MGAT4C: variants seen among roughly 807,000 people sequenced by gnomAD.
MGAT4C encodes the protein alpha-1,3-mannosyl-glycoprotein 4-beta-N-acetylglucosaminyltransferase C.
Under a neutral mutation model 40.1 loss-of-function variants are expected in MGAT4C, and 19 were observed. That is an observed-to-expected ratio of 0.47 (90% CI 0.33 to 0.70). MGAT4C has a LOEUF of 0.70. Ranked by LOEUF, MGAT4C falls within the 30% of genes least tolerant of loss-of-function variation. MGAT4C has a pLI of 0.02. For synonymous variants in MGAT4C, 181 were observed against 187.1 expected (o/e 0.97, Z 0.27); for missense variants, 491 against 563.2 (o/e 0.87, Z 1.30).
intron 1 of MGAT4C, among the ~76,000 whole-genome samples, chr12:86,778,738 C>T (rs911004216): frequency 6.6e-6 from 1 of 152,264 alleles, no homozygotes; most frequent in African/African-American, 2.4e-5. Flanking sequence ...AATTCCCCTG[C>T]ATAGAATGCA....
At chr12:86,438,614 G>A (rs1034977192) in intron 2 of MGAT4C, among the ~76,000 whole-genome samples, 9 of 151,872 alleles carry the variant, frequency 5.9e-5, no homozygotes, top group African/African-American at 2.2e-4. Context: ...GGAACAATAT[G>A]TCACATCTCA....
intron 1 of MGAT4C, among the ~76,000 whole-genome samples, chr12:86,189,862 A>G (rs1474988363): frequency 3.9e-5 from 6 of 152,064 alleles, no homozygotes; most frequent in Non-Finnish European, 8.8e-5. Context: ...TAGAAAATAC[A>G]TTCAGGCAGC....
intron 2 of MGAT4C, among the ~76,000 whole-genome samples, chr12:86,702,163 A>G (rs1375909208): frequency 1.3e-5 from 2 of 151,588 alleles, no homozygotes; most frequent in Non-Finnish European, 2.9e-5. Context: ...TCAAGTAGCT[A>G]GCTGAGTCTT....
At chr12:86,304,358 T>C (rs985878835) in intron 4 of MGAT4C, among the ~76,000 whole-genome samples, 1 of 150,564 alleles carries the variant, frequency 6.6e-6, no homozygotes, top group Admixed American at 6.6e-5. Flanking sequence ...TGAAAGAGCT[T>C]GAAGGAAACA....
chr12:86,709,655 C>A (rs546795180), intron 2 of MGAT4C, among the ~76,000 whole-genome samples: 2 of 152,086 alleles, frequency 1.3e-5, no homozygotes, highest in East Asian at 3.9e-4. Flanking sequence ...CTCAAGTGAT[C>A]CCCCCACCTT....
chr12:86,609,984 CTCAATTACTTAT>C (rs773237818), intron 2 of MGAT4C, among the ~76,000 whole-genome samples: 23 of 152,126 alleles, frequency 1.5e-4, no homozygotes, highest in Non-Finnish European at 2.5e-4. Flanking sequence ...ACTTATTATT[CTCAATTACTTAT>C]TCAAAACCTG....
chr12:86,740,680 C>G (rs1299832266), intron 1 of MGAT4C, among the ~76,000 whole-genome samples: 3 of 151,012 alleles, frequency 2.0e-5, no homozygotes, highest in African/African-American at 7.3e-5. Flanking sequence ...TTCAGAAAAG[C>G]CTCAAAGTCC....
chr12:86,619,806 G>T (rs1962580345), intron 2 of MGAT4C, among the ~76,000 whole-genome samples: 1 of 151,934 alleles, frequency 6.6e-6, no homozygotes, highest in African/African-American at 2.4e-5. Context: ...TGTTTCCCCT[G>T]GCAGGAATAA....
At chr12:86,719,063 T>G (rs1442128946) in intron 2 of MGAT4C, among the ~76,000 whole-genome samples, 4 of 152,286 alleles carry the variant, frequency 2.6e-5, no homozygotes, top group African/African-American at 9.6e-5. Flanking sequence ...TATTCTGTTC[T>G]TCAAGTTAGT....
chr12:86,728,396 A>G (rs1408413385), intron 1 of MGAT4C, among the ~76,000 whole-genome samples: 3 of 152,238 alleles, frequency 2.0e-5, no homozygotes, highest in East Asian at 3.8e-4. Context: ...AAAGATGTAA[A>G]AAATGAATGT....
At chr12:86,358,395 G>A (rs1052023172) in intron 3 of MGAT4C, among the ~76,000 whole-genome samples, 5 of 152,092 alleles carry the variant, frequency 3.3e-5, no homozygotes, top group African/African-American at 4.8e-5. Flanking sequence ...AAAGACCATC[G>A]AGGCTAGGAA....
chr12:86,042,928 G>A (rs1457338714), intron 2 of MGAT4C, among the ~76,000 whole-genome samples: 1 of 151,038 alleles, frequency 6.6e-6, no homozygotes, highest in Non-Finnish European at 1.5e-5. Context: ...CTGGCTTATA[G>A]GGTTTCTGTC....
intron 2 of MGAT4C, among the ~76,000 whole-genome samples, chr12:86,567,833 A>T (rs1323554460): frequency 6.6e-6 from 1 of 152,216 alleles, no homozygotes; most frequent in Non-Finnish European, 1.5e-5. Flanking sequence ...ACACTTGTAC[A>T]AGGAAAATGT....
At chr12:86,206,063 A>G (rs542237258) in intron 1 of MGAT4C, among the ~76,000 whole-genome samples, 1 of 152,234 alleles carries the variant, frequency 6.6e-6, no homozygotes, top group South Asian at 2.1e-4. Context: ...CAGGAAGCCA[A>G]TGTGCTATGG....
At chr12:86,673,077 G>T (rs143489582) in intron 2 of MGAT4C, among the ~76,000 whole-genome samples, 2,902 of 152,060 alleles carry the variant, frequency 0.019, 42 homozygotes, top group Middle Eastern at 0.041. Flanking sequence ...TGAATTTCAG[G>T]ATTCAGTGCC....
rs552221814 is a variant in MGAT4C at position 86,770,689 on chromosome 12, AT to A, written c.-261-43449del. Among the ~76,000 whole-genome samples, 430 of 152,230 alleles carry A rather than the reference AT, an allele frequency of 2.8e-3. 3 individuals carry two copies. Among genetic ancestry groups the A allele is most frequent in the African/African-American group, 1.0e-2 (415 of 41,562 alleles). ...ACCATAAGCATCAACTTATGTATGA[AT>A]TCTTTCAATATGAGGACCAAAGTTT... On this transcript the variant is annotated intron_variant, in intron 1 of 7. Transcript: ENST00000548651.
chr12:86,789,479 C>G (rs1020092893), intron 1 of MGAT4C, among the ~76,000 whole-genome samples: 1 of 152,070 alleles, frequency 6.6e-6, no homozygotes, highest in Non-Finnish European at 1.5e-5. Context: ...CAAGTCCCTA[C>G]CTTGAATCCC....
chr12:85,989,599 A>C, intron 2 of MGAT4C, 47 bp from the exon 3 acceptor site: 1 of 1,502,738 alleles, frequency 6.7e-7, no homozygotes, highest in African/African-American at 1.4e-5. Flanking sequence ...TTTGGATGCA[A>C]ATATTTCTTT....
At chr12:86,356,533 A>C (rs888575223) in intron 3 of MGAT4C, among the ~76,000 whole-genome samples, 3 of 152,160 alleles carry the variant, frequency 2.0e-5, no homozygotes, top group Non-Finnish European at 4.4e-5. Flanking sequence ...ATCACTTCAC[A>C]TGGGAAGCAC....
Sources: gnomAD v4.1 joint callset for allele counts (sites outside exome capture counted in the v4.1 genomes callset) on GRCh38, gnomAD v4.1.1 for gene constraint, MANE v1.5 for transcripts, NCBI Gene and HGNC (gene_info 2026-07-23, HGNC 2026-07-21) for gene names.